SLC38A9: variants seen among roughly 807,000 people sequenced by gnomAD.
SLC38A9 encodes solute carrier family 38 member 9.
Under a neutral mutation model 62.3 loss-of-function variants are expected in SLC38A9, and 48 were observed. That is an observed-to-expected ratio of 0.77 (90% CI 0.61 to 0.98). SLC38A9 has a LOEUF of 0.98. Among genes scored for constraint, SLC38A9 ranks in the 50% least tolerant of loss-of-function variants. The pLI, the probability that SLC38A9 is intolerant of heterozygous loss-of-function variation, is 0.00. For missense variants in SLC38A9, 541 were observed against 679.8 expected (o/e 0.80, Z 2.27); for synonymous variants, 204 against 227.7 (o/e 0.90, Z 0.94).
chr5:55,666,512 A>G (rs1750488038), intron 7 of SLC38A9, among the ~76,000 whole-genome samples: 1 of 152,244 alleles, frequency 6.6e-6, no homozygotes. Context: ...CATGGCAGAA[A>G]GCAGTCATAA....
chr5:55,637,079 T>C (rs1744525799), intron 12 of SLC38A9, among the ~76,000 whole-genome samples: 1 of 152,130 alleles, frequency 6.6e-6, no homozygotes, highest in African/African-American at 2.4e-5. Context: ...CTGAAAGTCA[T>C]TCTACACTCA....
chr5:55,639,857 T>C (rs551302984), intron 12 of SLC38A9, among the ~76,000 whole-genome samples: 115 of 152,130 alleles, frequency 7.6e-4, no homozygotes, highest in Admixed American at 1.4e-3. Flanking sequence ...AGCTTTATCC[T>C]TAGTAATTAT....
intron 12 of SLC38A9, among the ~76,000 whole-genome samples, chr5:55,645,208 G>A (rs908465878): frequency 6.6e-6 from 1 of 152,120 alleles, no homozygotes; most frequent in Non-Finnish European, 1.5e-5. Flanking sequence ...CTATAGGCAT[G>A]TGCTACCAAA....
intron 3 of SLC38A9, among the ~76,000 whole-genome samples, chr5:55,682,628 A>C (rs1283177078): frequency 1.3e-5 from 2 of 152,188 alleles, no homozygotes; most frequent in Admixed American, 6.5e-5. Flanking sequence ...TAGAAAAAGC[A>C]GCCAGGCATC....
chr5:55,668,571 T>C (rs181715202), intron 7 of SLC38A9, among the ~76,000 whole-genome samples: 6 of 152,170 alleles, frequency 3.9e-5, no homozygotes, highest in Non-Finnish European at 5.9e-5. Flanking sequence ...CAGTGACTAA[T>C]AGGAGATCTG....
At chr5:55,661,754 C>T (rs1046876966) in intron 8 of SLC38A9, among the ~76,000 whole-genome samples, 1 of 151,580 alleles carries the variant, frequency 6.6e-6, no homozygotes, top group South Asian at 2.1e-4. Flanking sequence ...AAAGAGAAGA[C>T]AAGCCACTAA....
rs67490309 is a variant in SLC38A9, at chr5:55,705,439, C to CAAAAAAA, written c.-35+6006_-35+6012dup. 1.4e-4 allele frequency among the ~76,000 whole-genome samples: 18 copies of CAAAAAAA among 125,534 alleles called. 1 individual carries two copies. The highest frequency in any genetic ancestry group is 2.7e-4 in the African/African-American group (9 of 33,796). The allele number at this position is 125,534 out of a possible 152,430, so 82.4% of individuals were successfully genotyped here. Reference sequence around the variant, plus strand: ...GGAAATGGGTATTACCTTCATATTACAAAAAAAAAAAAGAAAGAAAGAAAG... The same window carrying CAAAAAAA: ...GGAAATGGGTATTACCTTCATATTACAAAAAAAAAAAAAAAAAAAGAAAGAAAGAAAG... On this transcript the variant is annotated intron_variant, in intron 2 of 15. Coordinates refer to ENST00000396865, the MANE Select transcript of SLC38A9 (RefSeq NM_173514.4).
chr5:55,651,084 C>T (rs1262443678), intron 10 of SLC38A9, among the ~76,000 whole-genome samples: 2 of 152,014 alleles, frequency 1.3e-5, no homozygotes, highest in Non-Finnish European at 2.9e-5. Context: ...AGCCACCGCA[C>T]CCAGCCTATC....
intron 8 of SLC38A9, among the ~76,000 whole-genome samples, chr5:55,659,788 C>T (rs1328438842): frequency 2.0e-5 from 3 of 150,360 alleles, no homozygotes; most frequent in Admixed American, 6.6e-5. Flanking sequence ...TTTTTTGAGA[C>T]AGAGTCTAGC....
intron 11 of SLC38A9, among the ~76,000 whole-genome samples, chr5:55,648,983 T>C (rs1444224815): frequency 6.6e-6 from 1 of 152,150 alleles, no homozygotes; most frequent in Non-Finnish European, 1.5e-5. Flanking sequence ...ATTAGTGCAC[T>C]ATAACTTAAA....
At chr5:55,630,260 G>C (rs1019207865) in intron 14 of SLC38A9, among the ~76,000 whole-genome samples, 15 of 152,140 alleles carry the variant, frequency 9.9e-5, no homozygotes, top group African/African-American at 3.6e-4. Context: ...TCAATTGTCT[G>C]CTAGTAAAAC....
chr5:55,710,080 AAAAAAG>A (rs1340106884), intron 2 of SLC38A9, among the ~76,000 whole-genome samples: 11 of 94,830 alleles, frequency 1.2e-4, no homozygotes, highest in African/African-American at 3.1e-4. Context: ...AAAAAAAAAA[AAAAAAG>A]AAAAAAAAAA....
Position 55,635,607 on chromosome 5 carries a change from A to G in SLC38A9, c.1218T>C (p.Tyr406=), listed in dbSNP as rs775950762. 6.2e-7 allele frequency: 1 copy of G among 1,613,982 alleles called. No homozygotes were observed. Among genetic ancestry groups the G allele is most frequent in the East Asian group, 2.2e-5 (1 of 44,858 alleles). The stretch of plus-strand genomic sequence containing the variant: ...ATGAAGCAAAAACCAGGACTCCAAT[A>G]TAGAGATAAGTTAATGTCACCAGCA... ...AYMLVTLTYL[Y]IGVLVFASFP... Residue 406 remains tyrosine (Y), a synonymous_variant, in exon 13 of 16, where the codon TAT becomes TAC. Coordinates refer to ENST00000396865, the MANE Select transcript of SLC38A9 (RefSeq NM_173514.4).
chr5:55,633,632 C>A, intron 14 of SLC38A9, 122 bp downstream of exon 14: 3 of 1,327,538 alleles, frequency 2.3e-6, no homozygotes, highest in Non-Finnish European at 2.1e-6. Flanking sequence ...AATGATCTAT[C>A]TTTAGTCACC....
At chr5:55,659,377 G>GC (rs1749047491) in intron 8 of SLC38A9, among the ~76,000 whole-genome samples, 1 of 98,886 alleles carries the variant, frequency 1.0e-5, no homozygotes, top group Non-Finnish European at 2.4e-5. Flanking sequence ...AAACTGGAAA[G>GC]GTTTTTTTTT....
rs200200264 is a variant in SLC38A9 at position 55,640,858 on chromosome 5, CA to C, written c.1167+4930del. On this transcript the variant is annotated intron_variant, in intron 12 of 15. Coordinates refer to ENST00000396865, the MANE Select transcript of SLC38A9 (RefSeq NM_173514.4). ...AAAATATGTATATATATTTTTGAGA[CA>C]GAGTTTCACTCTTGTTGCCCATGCT... Among the ~76,000 whole-genome samples the C allele has an allele frequency of 4.6e-4, 70 of 152,262 alleles. No individual in the cohort carries two copies. In the East Asian group the frequency reaches 0.012, roughly 25 times the overall value.
intron 3 of SLC38A9, among the ~76,000 whole-genome samples, chr5:55,686,458 T>C (rs768525122): frequency 3.3e-5 from 5 of 152,190 alleles, no homozygotes; most frequent in Non-Finnish European, 7.3e-5. Context: ...TTTGCCCACT[T>C]TTTAATGGGG....
chr5:55,648,943 G>A (rs756651913), intron 11 of SLC38A9, among the ~76,000 whole-genome samples: 27 of 151,948 alleles, frequency 1.8e-4, no homozygotes, highest in Non-Finnish European at 3.5e-4. Flanking sequence ...CCATAAGAAA[G>A]GCTAGATGAA....
intron 8 of SLC38A9, among the ~76,000 whole-genome samples, chr5:55,658,222 C>A (rs531430546): frequency 6.6e-6 from 1 of 152,002 alleles, no homozygotes; most frequent in Non-Finnish European, 1.5e-5. Flanking sequence ...GGGGTAGAGT[C>A]GCATGACTGC....
Sources: allele counts gnomAD v4.1 joint callset (sites outside exome capture counted in the v4.1 genomes callset), GRCh38; gene constraint gnomAD v4.1.1; transcripts MANE v1.5; gene names NCBI Gene and HGNC (gene_info 2026-07-23, HGNC 2026-07-21).